Variants in OSBP2 observed in about 807,000 individuals in gnomAD.
The protein encoded by OSBP2 is oxysterol-binding protein 2.
Under a neutral mutation model 96.0 loss-of-function variants are expected in OSBP2, and 66 were observed. The observed-to-expected ratio is 0.69, with a 90% CI of 0.56 to 0.84. The LOEUF is 0.84. Among genes scored for constraint, OSBP2 ranks in the 40% least tolerant of loss-of-function variants. The probability of loss-of-function intolerance (pLI) is 0.00; values close to 1 mark genes in which losing one functional copy is unlikely to be tolerated. For missense variants in OSBP2, 1,038 were observed against 1,222.7 expected, an observed-to-expected ratio of 0.85 and a Z score of 2.25; for synonymous variants, 525 against 520.9, an observed-to-expected ratio of 1.01 and a Z score of -0.11.
intron 12 of OSBP2, among the ~76,000 whole-genome samples, chr22:30,901,715 A>C (rs1411811673): frequency 6.6e-6 from 1 of 151,850 alleles, no homozygotes; most frequent in Non-Finnish European, 1.5e-5. Flanking sequence ...AAATATAAAA[A>C]TTAGCCAGGC....
Position 30,887,522 on chromosome 22 carries a change from A to G in OSBP2, c.1204A>G (p.Thr402Ala). ...GGAGCAGCGCGTGCACTTGGAGGAA[A>G]CCATTGAGCAGCTGGCGAAGCAGCA... ...EQEQRVHLEETIEQLAKQHNS... is the reference protein window; with the variant it reads ...EQEQRVHLEEAIEQLAKQHNS... The change falls in exon 4 of 14, where the codon ACC becomes GCC. Residue 402 changes from threonine to alanine, a missense_variant. Coordinates refer to ENST00000332585, the MANE Select transcript of OSBP2 (RefSeq NM_030758.4). 1.2e-6 allele frequency: 2 copies of G among 1,613,676 alleles called. No individual in the cohort carries two copies. Among genetic ancestry groups the G allele is most frequent in the Non-Finnish European group, 1.7e-6 (2 of 1,180,022 alleles).
chr22:30,700,083 C>T lies in OSBP2; in HGVS notation c.644+4530C>T, dbSNP rs980891461. Among the ~76,000 whole-genome samples, 5 of 151,780 alleles carry T rather than the reference C, an allele frequency of 3.3e-5. No individual in the cohort carries two copies. The South Asian group carries it at 8.3e-4, about 25-fold the overall frequency. On this transcript the variant is annotated intron_variant, in intron 1 of 13. Coordinates refer to ENST00000332585, the MANE Select transcript of OSBP2 (RefSeq NM_030758.4). ...TTTCAAACAATTTTCCTGCCACAGC[C>T]TCCCGAGTAGCTGGGATTACAGAGG...
In OSBP2 at chr22:30,897,186, T is replaced by C. The variant is rs372373356; in HGVS notation, c.2375+3185T>C. 2.4e-4 allele frequency among the ~76,000 whole-genome samples: 37 copies of C among 152,366 alleles called. No homozygotes were observed. The East Asian group carries it at 6.5e-3, about 27-fold the overall frequency. ...AAAGATATAATAGTTTTAAACATTA[T>C]GCATATAATTAAATTCCTCAAAAAT... On this transcript the variant is annotated intron_variant, in intron 12 of 13. Coordinates refer to ENST00000332585, the MANE Select transcript of OSBP2 (RefSeq NM_030758.4).
At chr22:30,762,145 C>G (rs2090212034) in intron 2 of OSBP2, among the ~76,000 whole-genome samples, 4 of 152,074 alleles carry the variant, frequency 2.6e-5, no homozygotes, top group Admixed American at 6.6e-5. Context: ...TCATTTGAAC[C>G]TGGGAAGCAG....
At chr22:30,797,407 C>T (rs1267631641) in intron 2 of OSBP2, among the ~76,000 whole-genome samples, 9 of 150,482 alleles carry the variant, frequency 6.0e-5, no homozygotes, top group African/African-American at 1.5e-4. Flanking sequence ...CTCAGCCTCT[C>T]GAGTAGCTGG....
In OSBP2 at chr22:30,906,100, G is replaced by A. The variant is rs770584601; in HGVS notation, c.2608+31G>A. 6.3e-6 allele frequency: 10 copies of A among 1,597,102 alleles called. No individual in the cohort carries two copies. In the Admixed American group the frequency reaches 8.5e-5, roughly 14 times the overall value. On this transcript the variant is annotated intron_variant, in intron 13 of 13. Coordinates refer to ENST00000332585, the MANE Select transcript of OSBP2 (RefSeq NM_030758.4). The stretch of plus-strand genomic sequence containing the variant: ...GCCGGGCGGGAAGGGCGCCCCGGAG[G>A]GGAGGAAAGGGGTGCCCGGGTGGGG...
chr22:30,884,323 G>A (rs958474930), intron 3 of OSBP2, among the ~76,000 whole-genome samples: 3 of 152,278 alleles, frequency 2.0e-5, no homozygotes, highest in Middle Eastern at 3.4e-3. Flanking sequence ...CCGGATGAGC[G>A]GAGACAGGGC....
intron 2 of OSBP2, among the ~76,000 whole-genome samples, chr22:30,858,707 C>T (rs1003508610): frequency 8.6e-5 from 13 of 151,090 alleles, no homozygotes; most frequent in African/African-American, 1.9e-4. Context: ...GGTAAAACCC[C>T]GTCTCTACTA....
chr22:30,701,016 A>G (rs1449078474), intron 1 of OSBP2, among the ~76,000 whole-genome samples: 2 of 151,390 alleles, frequency 1.3e-5, no homozygotes, highest in African/African-American at 4.9e-5. Context: ...AATTGCTTGA[A>G]CCTGGGAGGC....
intron 2 of OSBP2, among the ~76,000 whole-genome samples, chr22:30,798,891 G>A (rs2090804744): frequency 1.3e-5 from 2 of 151,894 alleles, no homozygotes; most frequent in South Asian, 4.1e-4. Context: ...GCACACGTCT[G>A]TAGTCCCAGC....
chr22:30,906,302 A>G lies in OSBP2; in HGVS notation c.2714A>G (p.Glu905Gly). 1 of 1,613,638 alleles carries G rather than the reference A, an allele frequency of 6.2e-7. No homozygotes were observed. Among genetic ancestry groups the G allele is most frequent in the South Asian group, 1.1e-5 (1 of 91,028 alleles). The change falls in exon 14 of 14, where the codon GAG (glutamate) becomes GGG (glycine). Residue 905 changes from glutamate (E) to glycine (G), a missense_variant. Transcript: ENST00000332585. Reference protein sequence around the residue: ...VYKGGYWEAKEKQDWHMCPNI... With the variant: ...VYKGGYWEAKGKQDWHMCPNI... ...AAGGGCGGCTACTGGGAGGCCAAGG[A>G]GAAGCAAGACTGGCATATGTGCCCC...
intron 2 of OSBP2, among the ~76,000 whole-genome samples, chr22:30,856,051 T>C (rs5753348): frequency 0.15 from 23,483 of 152,196 alleles, 2,147 homozygotes; most frequent in East Asian, 0.25. Context: ...TTGAGGAGCC[T>C]CCTGTGGGCT....
Position 30,870,303 on chromosome 22 carries a change from C to A in OSBP2, c.854-126C>A. 1.0e-6 allele frequency: 1 copy of A among 983,942 alleles called. No individual in the cohort carries two copies. The highest frequency in any genetic ancestry group is 1.5e-6 in the Non-Finnish European group (1 of 665,514). The allele number at this position is 983,942 out of a possible 1,614,324, so 61.0% of individuals were successfully genotyped here. Reference sequence around the variant, plus strand: ...CACCCCGGCCAGGAACAGGAACGGGCACCATCTCGGGGACTGATGTTTTTT... The same window carrying A: ...CACCCCGGCCAGGAACAGGAACGGGAACCATCTCGGGGACTGATGTTTTTT... On this transcript the variant is annotated intron_variant, in intron 2 of 13. Transcript: ENST00000332585. This position sits in a 1 kb window ranked among gnomAD's most constrained non-coding sequence, Gnocchi z 4.1.
chr22:30,815,907 A>G (rs2091077931), intron 2 of OSBP2, among the ~76,000 whole-genome samples: 1 of 152,198 alleles, frequency 6.6e-6, no homozygotes, highest in Non-Finnish European at 1.5e-5. Flanking sequence ...TGCAGTAAAT[A>G]TCTTTGTACA....
chr22:30,718,816 G>C (rs1384117809), intron 1 of OSBP2, among the ~76,000 whole-genome samples: 1 of 152,164 alleles, frequency 6.6e-6, no homozygotes, highest in Non-Finnish European at 1.5e-5. Flanking sequence ...CCTGAGCCCT[G>C]GGGCAGCATG....
chr22:30,838,837 T>C (rs1432124739), intron 2 of OSBP2, among the ~76,000 whole-genome samples: 1 of 152,098 alleles, frequency 6.6e-6, no homozygotes, highest in East Asian at 1.9e-4. Flanking sequence ...CGTTTTGTTT[T>C]TTTTTATTAT....
intron 2 of OSBP2, among the ~76,000 whole-genome samples, chr22:30,834,301 A>T (rs545498208): frequency 6.6e-6 from 1 of 152,336 alleles, no homozygotes; most frequent in African/African-American, 2.4e-5. Flanking sequence ...GAACTTTTCT[A>T]TGAACACAAA....
chr22:30,863,862 G>A lies in OSBP2; in HGVS notation c.854-6567G>A, dbSNP rs542270432. On this transcript the variant is annotated intron_variant, in intron 2 of 13. Transcript: ENST00000332585. The stretch of plus-strand genomic sequence containing the variant: ...CCTGCTGTGGGGAGTGGGGAGCAGC[G>A]CGAGGCTTCTCTTTCTTTGCTCCCC... Among the ~76,000 whole-genome samples the A allele has an allele frequency of 8.3e-4, 126 of 152,298 alleles. 2 individuals carry two copies. In the South Asian group the frequency reaches 0.022, roughly 27 times the overall value.
intron 1 of OSBP2, among the ~76,000 whole-genome samples, chr22:30,714,859 A>G (rs1041898742): frequency 1.3e-5 from 2 of 151,852 alleles, no homozygotes; most frequent in African/African-American, 2.4e-5. Context: ...CAAGTGATCC[A>G]CTCACCTTGG....
Sources: allele counts gnomAD v4.1 joint callset (sites outside exome capture counted in the v4.1 genomes callset), GRCh38; gene constraint gnomAD v4.1.1; non-coding constraint Gnocchi (gnomAD v3.1); transcripts MANE v1.5; gene names NCBI Gene and HGNC (gene_info 2026-07-23, HGNC 2026-07-21).